Variants in MYT1L observed in about 807,000 individuals in gnomAD.
MYT1L encodes myelin transcription factor 1-like protein.
A neutral mutation model predicts 126.7 loss-of-function variants in MYT1L; 12 were observed. That is an observed-to-expected ratio of 0.09 (90% CI 0.06 to 0.15). The LOEUF is 0.15. Ranked by LOEUF, MYT1L falls within the 10% of genes least tolerant of loss-of-function variation. The pLI is 1.00. For missense variants in MYT1L, 979 were observed against 1,585.2 expected, an observed-to-expected ratio of 0.62 and a Z score of 6.49; for synonymous variants, 541 against 604.2, an observed-to-expected ratio of 0.90 and a Z score of 1.53.
At chr2:2,313,287 A>T (rs2096005915) in intron 1 of MYT1L, among the ~76,000 whole-genome samples, 1 of 152,118 alleles carries the variant, frequency 6.6e-6, no homozygotes, top group Admixed American at 6.5e-5. Flanking sequence ...TTGGAAAATC[A>T]AGTGCAATCA....
intron 9 of MYT1L, among the ~76,000 whole-genome samples, chr2:1,939,468 A>G (rs1320190687): frequency 2.0e-5 from 3 of 152,206 alleles, no homozygotes; most frequent in Non-Finnish European, 2.9e-5. Context: ...TAGGCACCGT[A>G]TGGAATCTCC....
intron 2 of MYT1L, among the ~76,000 whole-genome samples, chr2:2,278,674 A>G (rs996385510): frequency 6.6e-6 from 1 of 152,228 alleles, no homozygotes; most frequent in African/African-American, 2.4e-5. Context: ...TAAGAAATCA[A>G]CAGTAATTAT....
chr2:1,864,934 C>G (rs2045256371), intron 18 of MYT1L, among the ~76,000 whole-genome samples: 1 of 152,198 alleles, frequency 6.6e-6, no homozygotes. Flanking sequence ...TGGGGCTCAG[C>G]CTGGCTTAGT....
chr2:2,303,857 G>A (rs927805228), intron 1 of MYT1L: 1 of 152,198 alleles, frequency 6.6e-6, no homozygotes, highest in African/African-American at 2.4e-5. Context: ...ATTCAAGGAA[G>A]AATCTTCCCC....
intron 3 of MYT1L, among the ~76,000 whole-genome samples, chr2:2,108,905 T>G (rs1021486290): frequency 1.3e-5 from 2 of 152,260 alleles, no homozygotes; most frequent in Non-Finnish European, 1.5e-5. Flanking sequence ...GCTGAGCTGC[T>G]GACCATCAGG....
intron 3 of MYT1L, among the ~76,000 whole-genome samples, chr2:2,102,344 A>G (rs373437522): frequency 6.6e-6 from 1 of 152,164 alleles, no homozygotes; most frequent in East Asian, 1.9e-4. Flanking sequence ...ACATAGGTAA[A>G]TTTTCTTTTC....
At chr2:2,032,231 G>A (rs1392001526) in intron 4 of MYT1L, among the ~76,000 whole-genome samples, 1 of 75,274 alleles carries the variant, frequency 1.3e-5, no homozygotes, top group African/African-American at 6.5e-5. Context: ...ACACACCCTC[G>A]CCAGTGCCTC....
At chr2:2,154,620 T>C (rs2086414076) in intron 3 of MYT1L, among the ~76,000 whole-genome samples, 1 of 152,164 alleles carries the variant, frequency 6.6e-6, no homozygotes, top group Admixed American at 6.5e-5. Flanking sequence ...AAGTGGGACT[T>C]GAATGAAGAG....
At chr2:2,117,267 A>G (rs2080333307) in intron 3 of MYT1L, among the ~76,000 whole-genome samples, 1 of 152,240 alleles carries the variant, frequency 6.6e-6, no homozygotes. Context: ...TGACTTCAAA[A>G]TAAGATTTTT....
In MYT1L at chr2:1,802,637, G is replaced by A. The variant is rs2035053118; in HGVS notation, c.3173-838C>T. 2.6e-5 allele frequency among the ~76,000 whole-genome samples: 4 copies of A among 152,268 alleles called. No individual in the cohort carries two copies. The South Asian group carries it at 8.3e-4, about 32-fold the overall frequency. On this transcript the variant is annotated intron_variant, in intron 22 of 24. Transcript: ENST00000647738. The stretch of plus-strand genomic sequence containing the variant: ...ACCTGGATCAGTCCTGGCATAGCTG[G>A]GCACAGGGCCCAGATGCCCATATTT...
At chr2:2,260,208 A>G (rs1010850988) in intron 2 of MYT1L, among the ~76,000 whole-genome samples, 18 of 152,222 alleles carry the variant, frequency 1.2e-4, no homozygotes, top group African/African-American at 4.3e-4. Flanking sequence ...GTGATGCTGA[A>G]AAATTATTGG....
Position 1,815,903 on chromosome 2 carries a change from C to T in MYT1L, c.3081-6736G>A, listed in dbSNP as rs550344210. Among the ~76,000 whole-genome samples, 18 of 152,376 alleles carry T rather than the reference C, an allele frequency of 1.2e-4. No individual in the cohort carries two copies. The South Asian group carries it at 3.3e-3, about 28-fold the overall frequency. On this transcript the variant is annotated intron_variant, in intron 21 of 24. Coordinates refer to ENST00000647738, the MANE Select transcript of MYT1L (RefSeq NM_001303052.2). Reference sequence around the variant, plus strand: ...TCCAGGCATCCAGGTGAGAGGCACACGGCACCGCCCCGAGAAACTCCGTGG... The same window carrying T: ...TCCAGGCATCCAGGTGAGAGGCACATGGCACCGCCCCGAGAAACTCCGTGG...
chr2:1,796,318 A>G (rs931013896), intron 23 of MYT1L, among the ~76,000 whole-genome samples: 2 of 152,218 alleles, frequency 1.3e-5, no homozygotes, highest in Non-Finnish European at 2.9e-5. Flanking sequence ...TGGGAATCCC[A>G]AGGCGTTAGC....
chr2:2,055,145 GGAAA>G (rs759265964), intron 3 of MYT1L, among the ~76,000 whole-genome samples: 1 of 152,064 alleles, frequency 6.6e-6, no homozygotes, highest in Admixed American at 6.6e-5. Flanking sequence ...TAAAACTAAG[GGAAA>G]GAGTCATTTT....
chr2:2,076,163 G>T (rs988372995), intron 3 of MYT1L, among the ~76,000 whole-genome samples: 1 of 152,172 alleles, frequency 6.6e-6, no homozygotes, highest in African/African-American at 2.4e-5. Flanking sequence ...GTTGAATAAA[G>T]AAATCCTAGA....
At chr2:1,845,177 T>C (rs78404340) in intron 19 of MYT1L, among the ~76,000 whole-genome samples, 2,595 of 152,172 alleles carry the variant, frequency 0.017, 91 homozygotes, top group African/African-American at 0.059. Flanking sequence ...TGACGTTTCA[T>C]CATGTTAGCT....
intron 8 of MYT1L, among the ~76,000 whole-genome samples, chr2:1,948,464 C>T (rs1018638868): frequency 3.9e-5 from 6 of 152,164 alleles, no homozygotes; most frequent in African/African-American, 9.6e-5. Flanking sequence ...TTCAACTCCA[C>T]GTGGCTCGAG....
At chr2:2,267,543 T>C (rs1366591452) in intron 2 of MYT1L, among the ~76,000 whole-genome samples, 1 of 151,854 alleles carries the variant, frequency 6.6e-6, no homozygotes, top group Non-Finnish European at 1.5e-5. Flanking sequence ...AGAAAAAAAA[T>C]GCCCCAGATG....
intron 1 of MYT1L, chr2:2,324,788 T>C (rs1467356037): frequency 6.5e-6 from 1 of 152,712 alleles, no homozygotes; most frequent in African/African-American, 2.4e-5. Flanking sequence ...GGCTGCCTCC[T>C]TGAAGCAACA....
Sources: gnomAD v4.1 joint callset for allele counts (sites outside exome capture counted in the v4.1 genomes callset) on GRCh38, gnomAD v4.1.1 for gene constraint, MANE v1.5 for transcripts, NCBI Gene and HGNC (gene_info 2026-07-23, HGNC 2026-07-21) for gene names.